The following THSD7A variants were observed in gnomAD, a reference collection of about 807,000 sequenced individuals.
The protein encoded by THSD7A is thrombospondin type-1 domain-containing protein 7A.
A neutral mutation model predicts 231.3 loss-of-function variants in THSD7A; 96 were observed. The observed-to-expected ratio is 0.41, with a 90% CI of 0.35 to 0.49. THSD7A has a LOEUF of 0.49. THSD7A is among the 20% of genes least tolerant of loss of function. The pLI is 0.05. For missense variants in THSD7A, 2,290 were observed against 2,070.2 expected, an observed-to-expected ratio of 1.11 and a Z score of -2.06; for synonymous variants, 940 against 743.3, an observed-to-expected ratio of 1.26 and a Z score of -4.30.
At chr7:11,407,606 A>T (rs77229112) in intron 19 of THSD7A, among the ~76,000 whole-genome samples, 183 bp from the exon 20 acceptor site, 199 of 152,328 alleles carry the variant, frequency 1.3e-3, no homozygotes, top group African/African-American at 4.3e-3. Flanking sequence ...AGGAGAGTGG[A>T]AGTTAGGGGC....
At chr7:11,536,637 C>G (rs916025441) in intron 6 of THSD7A, among the ~76,000 whole-genome samples, 1 of 152,126 alleles carries the variant, frequency 6.6e-6, no homozygotes, top group Non-Finnish European at 1.5e-5. Context: ...TTTAGGAGCT[C>G]AAGACCCTTT....
At chr7:11,379,780 G>GTGACT in intron 24 of THSD7A, 68 bp from the exon 25 acceptor site, 4 of 1,470,316 alleles carry the variant, frequency 2.7e-6, no homozygotes, top group South Asian at 1.2e-5. Context: ...ACTGTGGTTA[G>GTGACT]TGACTTGTCT....
At chr7:11,742,465 G>A (rs1051811641) in intron 1 of THSD7A, among the ~76,000 whole-genome samples, 1 of 151,736 alleles carries the variant, frequency 6.6e-6, no homozygotes, top group South Asian at 2.1e-4. Context: ...ATAGCTACTA[G>A]ATGTAAAATC....
intron 1 of THSD7A, among the ~76,000 whole-genome samples, chr7:11,654,763 T>C (rs1332594147): frequency 1.3e-5 from 2 of 151,928 alleles, no homozygotes; most frequent in African/African-American, 4.8e-5. Context: ...ATAATACATG[T>C]CTTTCGCTTG....
intron 6 of THSD7A, among the ~76,000 whole-genome samples, chr7:11,527,909 T>C (rs1171809153): frequency 1.3e-5 from 2 of 152,128 alleles, no homozygotes; most frequent in East Asian, 1.9e-4. Flanking sequence ...ATTCCAGCAC[T>C]GTAGGAGGCC....
chr7:11,711,442 G>A (rs989903971), intron 1 of THSD7A, among the ~76,000 whole-genome samples: 1 of 150,966 alleles, frequency 6.6e-6, no homozygotes, highest in Non-Finnish European at 1.5e-5. Context: ...ATCTGATATT[G>A]ATCTGCTGAC....
chr7:11,469,921 G>T lies in THSD7A; in HGVS notation c.2326C>A (p.Pro776Thr). ...LPCKKDCIVT[P>T]YSDWTSCPSS... The stretch of plus-strand genomic sequence containing the variant: ...GGGCATGATGTCCAGTCACTATATG[G>T]GGTCACAATACAGTCCTTCTTACAA... Residue 776 changes from proline to threonine, a missense_variant, in exon 9 of 28, where the codon CCA becomes ACA. Physicochemically the swap from Pro to Thr is conservative, Grantham distance 38. Coordinates refer to ENST00000423059, the MANE Select transcript of THSD7A (RefSeq NM_015204.3). 6.2e-7 allele frequency: 1 copy of T among 1,603,230 alleles called. No homozygotes were observed. The highest frequency in any genetic ancestry group is 8.5e-7 in the Non-Finnish European group (1 of 1,174,372).
chr7:11,640,439 A>G (rs1420961164), intron 1 of THSD7A, among the ~76,000 whole-genome samples: 1 of 152,128 alleles, frequency 6.6e-6, no homozygotes, highest in Admixed American at 6.5e-5. Context: ...GTTATTGAAA[A>G]CACAAGCAGA....
rs116492910 is a variant in THSD7A at position 11,470,136 on chromosome 7, G to A, written c.2253-142C>T. On this transcript the variant is annotated intron_variant, in intron 8 of 27. Transcript: ENST00000423059. The stretch of plus-strand genomic sequence containing the variant: ...TTAACTTCCAGGAGTCTTTCTTTCT[G>A]CTACAGGCAAGAACTATACAACTAA... 3.1e-3 allele frequency: 2,018 copies of A among 649,564 alleles called. 32 individuals are homozygous for A. The African/African-American group carries it at 0.034, about 11-fold the overall frequency. The allele number at this position is 649,564 out of a possible 1,614,324, so 40.2% of individuals were successfully genotyped here.
At chr7:11,650,201 T>C (rs1283224544) in intron 1 of THSD7A, among the ~76,000 whole-genome samples, 1 of 152,080 alleles carries the variant, frequency 6.6e-6, no homozygotes, top group South Asian at 2.1e-4. Context: ...AAGTTTATAA[T>C]AGCTTGCTGT....
intron 1 of THSD7A, among the ~76,000 whole-genome samples, chr7:11,818,489 A>G (rs1170645549): frequency 6.6e-6 from 1 of 152,192 alleles, no homozygotes; most frequent in Non-Finnish European, 1.5e-5. Flanking sequence ...TCATGGGAGC[A>G]ACCTAAGTAG....
At chr7:11,639,261 G>A (rs931395095) in intron 1 of THSD7A, among the ~76,000 whole-genome samples, 1 of 152,066 alleles carries the variant, frequency 6.6e-6, no homozygotes, top group South Asian at 2.1e-4. Flanking sequence ...ATCAGATTGA[G>A]GCTACTAGTC....
At position 11,463,067 on chromosome 7, in the gene THSD7A, T is replaced by A. The variant is rs1785566022; in HGVS notation, c.2369-924A>T. Among the ~76,000 whole-genome samples, 3 of 152,286 alleles carry A rather than the reference T, an allele frequency of 2.0e-5. No individual in the cohort carries two copies. The South Asian group carries it at 6.2e-4, about 32-fold the overall frequency. ...ATCCTCCTGATGCATTTTCATTATT[T>A]TGCAAGATCTTCAAATATTTCATAC... On this transcript the variant is annotated intron_variant, in intron 9 of 27. Coordinates refer to ENST00000423059, the MANE Select transcript of THSD7A (RefSeq NM_015204.3).
chr7:11,662,139 T>A (rs558587493), intron 1 of THSD7A, among the ~76,000 whole-genome samples: 1 of 151,252 alleles, frequency 6.6e-6, no homozygotes, highest in African/African-American at 2.4e-5. Context: ...TTACATCAAA[T>A]GTAAGTTGAA....
rs193240003 is a variant in THSD7A at position 11,546,439 on chromosome 7, C to T, written c.1454-3322G>A. On this transcript the variant is annotated intron_variant, in intron 4 of 27. Coordinates refer to ENST00000423059, the MANE Select transcript of THSD7A (RefSeq NM_015204.3). ...CAAAGCCATAGGCCTGGTCCCAGGT[C>T]CCCAGTGTACTGAGCTGAGCCTGGG... Among the ~76,000 whole-genome samples, 395 of 152,292 alleles carry T rather than the reference C, an allele frequency of 2.6e-3. 1 individual carries two copies. Among genetic ancestry groups the T allele is most frequent in the African/African-American group, 9.1e-3 (378 of 41,566 alleles).
intron 2 of THSD7A, among the ~76,000 whole-genome samples, chr7:11,598,001 G>A (rs1043003945): frequency 5.3e-5 from 8 of 152,156 alleles, no homozygotes; most frequent in African/African-American, 9.7e-5. Flanking sequence ...GGTTCTGCAC[G>A]GTATGCAGGC....
At chr7:11,449,165 G>T (rs1332366484) in intron 11 of THSD7A, among the ~76,000 whole-genome samples, 1 of 151,950 alleles carries the variant, frequency 6.6e-6, no homozygotes, top group Non-Finnish European at 1.5e-5. Context: ...TGAGGTTGGG[G>T]TCCTGGGATT....
chr7:11,817,942 G>C (rs1367593246), intron 1 of THSD7A, among the ~76,000 whole-genome samples: 1 of 152,080 alleles, frequency 6.6e-6, no homozygotes, highest in Admixed American at 6.5e-5. Context: ...TATTGATTAG[G>C]TGCTTCTTTC....
intron 17 of THSD7A, among the ~76,000 whole-genome samples, chr7:11,414,852 G>A (rs1328241376): frequency 6.6e-6 from 1 of 152,200 alleles, no homozygotes; most frequent in Non-Finnish European, 1.5e-5. Context: ...TTTCTGCAGT[G>A]CACTAGGAGA....
Sources: gnomAD v4.1 joint callset for allele counts (sites outside exome capture counted in the v4.1 genomes callset) on GRCh38, gnomAD v4.1.1 for gene constraint, MANE v1.5 for transcripts, NCBI Gene and HGNC (gene_info 2026-07-23, HGNC 2026-07-21) for gene names.